Variants in OR1I1 observed in about 807,000 individuals in gnomAD.
OR1I1 encodes the protein olfactory receptor 1I1.
For missense variants in OR1I1, 451 were observed against 443.6 expected (o/e 1.02, Z -0.15); for synonymous variants, 171 against 181.4 (o/e 0.94, Z 0.46).
At chr19:15,083,326 C>T (rs898500443) in intron 1 of OR1I1, among the ~76,000 whole-genome samples, 5 of 151,846 alleles carry the variant, frequency 3.3e-5, no homozygotes, top group African/African-American at 9.7e-5. Context: ...GAACTCCTGG[C>T]CTCAAGCAAT....
intron 1 of OR1I1, among the ~76,000 whole-genome samples, chr19:15,085,170 A>T (rs1212178560): frequency 0.35 from 6,596 of 18,972 alleles, 874 homozygotes; most frequent in African/African-American, 0.53. Flanking sequence ...ATATATATAT[A>T]TATATATTTT....
In OR1I1 at chr19:15,091,196, A is replaced by G. The variant is rs2046255008; in HGVS notation, c.*3063A>G. 6.6e-6 allele frequency: 1 copy of G among 152,118 alleles called. No individual in the cohort carries two copies. The highest frequency in any genetic ancestry group is 2.4e-5 in the African/African-American group (1 of 41,436). 9.4% of individuals were successfully genotyped at this position (152,118 alleles called of 1,614,324 possible). A position where few individuals can be genotyped will look rare whatever the true frequency, so the allele number is the denominator to read the frequency against. On this transcript the variant is annotated 3_prime_UTR_variant, in exon 2 of 2. Coordinates refer to ENST00000641398, the MANE Select transcript of OR1I1 (RefSeq NM_001004713.2). Reference sequence around the variant, plus strand: ...AATAAGTGTTAAGCAACACCCCTACAAGGTAGGTGCAGAAGTAATTGTGGT... The same window carrying G: ...AATAAGTGTTAAGCAACACCCCTACGAGGTAGGTGCAGAAGTAATTGTGGT...
chr19:15,082,898 C>T (rs2046215023), intron 1 of OR1I1, among the ~76,000 whole-genome samples: 1 of 152,096 alleles, frequency 6.6e-6, no homozygotes, highest in Non-Finnish European at 1.5e-5. Context: ...CAGCCTCGAC[C>T]TCCCAAGCTC....
chr19:15,085,118 T>A (rs1300015307), intron 1 of OR1I1, among the ~76,000 whole-genome samples: 1 of 138,522 alleles, frequency 7.2e-6, no homozygotes, highest in Non-Finnish European at 1.5e-5. Flanking sequence ...GTATGTTCAA[T>A]GCATTTTTGA....
At chr19:15,085,412 TC>T (rs2046226907) in intron 1 of OR1I1, among the ~76,000 whole-genome samples, 1 of 151,600 alleles carries the variant, frequency 6.6e-6, no homozygotes, top group African/African-American at 2.4e-5. Context: ...CCTCAGGTGA[TC>T]CCCCTGCCTC....
At position 15,087,917 on chromosome 19, in the gene OR1I1, G is replaced by T; in HGVS notation, c.852G>T (p.Met284Ile). Residue 284 changes from methionine to isoleucine, a missense_variant, in exon 2 of 2, where the codon ATG becomes ATT. By Grantham distance (10) the Met-to-Ile change is conservative. Coordinates refer to ENST00000641398, the MANE Select transcript of OR1I1 (RefSeq NM_001004713.2). ...TAATGTGTGGGGTGTTCATCCCCAT[G>T]CTCAACCCCTTTATCTACAGCATAC... The part of the protein sequence containing the change: ...AALMCGVFIP[M>I]LNPFIYSIRN... The T allele has an allele frequency of 3.1e-6, 5 of 1,613,994 alleles. No individual in the cohort carries two copies. The highest frequency in any genetic ancestry group is 4.2e-6 in the Non-Finnish European group (5 of 1,179,884).
At chr19:15,083,394 C>T (rs79562508) in intron 1 of OR1I1, among the ~76,000 whole-genome samples, 10,495 of 152,198 alleles carry the variant, frequency 0.069, 861 homozygotes, top group African/African-American at 0.19. Flanking sequence ...CCATGCCTGG[C>T]CCGCTTTTTG....
At chr19:15,084,987 A>AAAT (rs2046222430) in intron 1 of OR1I1, among the ~76,000 whole-genome samples, 1 of 151,244 alleles carries the variant, frequency 6.6e-6, no homozygotes, top group African/African-American at 2.4e-5. Flanking sequence ...CTGTCTCAAA[A>AAAT]TAAATTAAAT....
Position 15,088,840 on chromosome 19 carries a change from G to C in OR1I1, c.*707G>C, listed in dbSNP as rs1310089259. ...AGATAGATATACAGATAGATACATA[G>C]ATAGATAGGATAGATAGGTAGGTAG... On this transcript the variant is annotated 3_prime_UTR_variant, in exon 2 of 2. Coordinates refer to ENST00000641398, the MANE Select transcript of OR1I1 (RefSeq NM_001004713.2). 2 of 151,512 alleles carry C rather than the reference G, an allele frequency of 1.3e-5. No homozygotes were observed. The highest frequency in any genetic ancestry group is 2.9e-5 in the Non-Finnish European group (2 of 67,906). 9.4% of individuals were successfully genotyped at this position (151,512 alleles called of 1,614,324 possible).
intron 1 of OR1I1, among the ~76,000 whole-genome samples, chr19:15,084,341 TGAG>T (rs1659839648): frequency 6.6e-6 from 1 of 152,148 alleles, no homozygotes; most frequent in Non-Finnish European, 1.5e-5. Flanking sequence ...GGGCAGATGA[TGAG>T]GTCAGGAGTT....
At position 15,091,030 on chromosome 19, in the gene OR1I1, C is replaced by G. The variant is rs1324116256; in HGVS notation, c.*2897C>G. 6.6e-6 allele frequency: 1 copy of G among 152,122 alleles called. No homozygotes were observed. The highest frequency in any genetic ancestry group is 2.4e-5 in the African/African-American group (1 of 41,412). The allele number at this position is 152,122 out of a possible 1,614,324, so 9.4% of individuals were successfully genotyped here. A position where few individuals can be genotyped will look rare whatever the true frequency, so the allele number is the denominator to read the frequency against. ...TGACCATGTGTTCTGGCCAAGGGAC[C>G]CTGGGCTAGAACTGGAGAAAAGGAT... On this transcript the variant is annotated 3_prime_UTR_variant, in exon 2 of 2. Transcript: ENST00000641398.
rs1274713720 is a variant in OR1I1, at chr19:15,085,174, ATATTT to A, written c.-13-1877_-13-1873del. Among the ~76,000 whole-genome samples the A allele has an allele frequency of 1.2e-4, 7 of 56,892 alleles. 1 individual carries two copies. Among genetic ancestry groups the A allele is most frequent in the Non-Finnish European group, 6.7e-5 (2 of 29,828 alleles). The allele number at this position is 56,892 out of a possible 152,430, so 37.3% of individuals were successfully genotyped here. On this transcript the variant is annotated intron_variant, in intron 1 of 1. Coordinates refer to ENST00000641398, the MANE Select transcript of OR1I1 (RefSeq NM_001004713.2). The stretch of plus-strand genomic sequence containing the variant: ...TATATATATATATATATATATATAT[ATATTT>A]TTTTTTTTGAGACAGAGTTTCGCTC...
rs112085203 is a variant in OR1I1 at position 15,091,523 on chromosome 19, T to G, written c.*3390T>G. 0.16 allele frequency: 24,853 copies of G among 152,176 alleles called. 2,227 individuals are homozygous for G. The highest frequency in any genetic ancestry group is 0.29 in the South Asian group (1,412 of 4,814). The allele number at this position is 152,176 out of a possible 1,614,324, so 9.4% of individuals were successfully genotyped here. On this transcript the variant is annotated 3_prime_UTR_variant, in exon 2 of 2. Transcript: ENST00000641398. ...AAATACAAAAAATTAGCCGGACATG[T>G]TGGCGGGCACCTGTAGTCCCAGCTA...
intron 1 of OR1I1, among the ~76,000 whole-genome samples, chr19:15,084,753 A>T (rs1317892205): frequency 2.0e-5 from 3 of 151,938 alleles, no homozygotes; most frequent in African/African-American, 7.2e-5. Context: ...TAAAATAAAA[A>T]TCATGCTGAG....
chr19:15,091,752 C>A lies in OR1I1; in HGVS notation c.*3619C>A, dbSNP rs1330809186. The stretch of plus-strand genomic sequence containing the variant: ...GGCTGAGGCAGGAGAATGGCGTCAA[C>A]CCGGGAGGCGGAGTTTGCGTGAGCC... On this transcript the variant is annotated 3_prime_UTR_variant, in exon 2 of 2. Transcript: ENST00000641398. 1.4e-5 allele frequency: 2 copies of A among 147,506 alleles called. No homozygotes were observed. The highest frequency in any genetic ancestry group is 3.0e-5 in the Non-Finnish European group (2 of 67,392). The allele number at this position is 147,506 out of a possible 1,614,324, so 9.1% of individuals were successfully genotyped here.
chr19:15,082,507 A>T (rs1384854962), intron 1 of OR1I1, among the ~76,000 whole-genome samples: 2 of 151,738 alleles, frequency 1.3e-5, no homozygotes, highest in African/African-American at 4.8e-5. Flanking sequence ...CCAAGTCTAG[A>T]CTCTCTGAGT....
At chr19:15,085,130 TTA>T (rs775570074) in intron 1 of OR1I1, among the ~76,000 whole-genome samples, 158 of 28,522 alleles carry the variant, frequency 5.5e-3, no homozygotes, top group East Asian at 0.021. Context: ...CATTTTTGAC[TTA>T]TATATATATA....
rs757175717 is a variant in OR1I1, at chr19:15,087,823, G to C, written c.758G>C (p.Gly253Ala). ...CTCACTGTGGTGTCACTGTCCTATG[G>C]GACCATCTTTGCTGTGTACTTACAG... ...LHLTVVSLSY[G>A]TIFAVYLQPT... Residue 253 changes from glycine to alanine, a missense_variant, in exon 2 of 2, where the codon GGG becomes GCG. Gly to Ala is a moderately conservative substitution (Grantham distance 60). Coordinates refer to ENST00000641398, the MANE Select transcript of OR1I1 (RefSeq NM_001004713.2). 6.2e-7 allele frequency: 1 copy of C among 1,614,122 alleles called. No individual in the cohort carries two copies. The highest frequency in any genetic ancestry group is 8.5e-7 in the Non-Finnish European group (1 of 1,180,014).
At chr19:15,085,294 C>T (rs2046226494) in intron 1 of OR1I1, among the ~76,000 whole-genome samples, 1 of 151,058 alleles carries the variant, frequency 6.6e-6, no homozygotes, top group South Asian at 2.1e-4. Context: ...CCTCAGCCTC[C>T]CAAGTAGCTG....
Sources: gnomAD v4.1 joint callset for allele counts (sites outside exome capture counted in the v4.1 genomes callset) on GRCh38, gnomAD v4.1.1 for gene constraint, MANE v1.5 for transcripts, NCBI Gene and HGNC (gene_info 2026-07-23, HGNC 2026-07-21) for gene names.